Variants in DIXDC1 observed in about 807,000 individuals in gnomAD.
The protein encoded by DIXDC1 is DIX domain containing 1.
A neutral mutation model predicts 103.1 loss-of-function variants in DIXDC1; 64 were observed. That is an observed-to-expected ratio of 0.62 (90% confidence interval 0.51 to 0.76). The LOEUF (loss-of-function observed/expected upper bound fraction) is 0.76, where lower values mean the gene tolerates loss of function less well. Among genes scored for constraint, DIXDC1 ranks in the 30% least tolerant of loss-of-function variants. DIXDC1 has a pLI of 0.00. For missense variants in DIXDC1, 759 were observed against 834.2 expected, an observed-to-expected ratio of 0.91 and a Z score of 1.11; for synonymous variants, 266 against 298.5, an observed-to-expected ratio of 0.89 and a Z score of 1.12.
intron 1 of DIXDC1, among the ~76,000 whole-genome samples, chr11:111,947,926 G>A (rs1265650195): frequency 6.6e-6 from 1 of 152,234 alleles, no homozygotes; most frequent in Admixed American, 6.5e-5. Flanking sequence ...GCCAAGGCAG[G>A]AGGATGGCTT....
chr11:111,991,473 A>C (rs921693071), intron 10 of DIXDC1, among the ~76,000 whole-genome samples: 1 of 152,236 alleles, frequency 6.6e-6, no homozygotes, highest in Non-Finnish European at 1.5e-5. Flanking sequence ...CAGAGTGTAT[A>C]ATTAAGAATG....
In DIXDC1 at chr11:112,017,915, A is replaced by C; in HGVS notation, c.1971+30A>C. ...AGAATCTGTGGGGAGTCTGTATGGT[A>C]TTATTGGTCCTTTCTGAACCCTGAA... is the stretch of plus-strand genomic sequence containing the variant. On this transcript the variant is annotated intron_variant, in intron 19 of 19. Transcript: ENST00000440460. This position sits in a 1 kb window ranked among gnomAD's most constrained non-coding sequence, Gnocchi z 4.0. 6.4e-7 allele frequency: 1 copy of C among 1,552,634 alleles called. No homozygotes were observed. Among genetic ancestry groups the C allele is most frequent in the Non-Finnish European group, 8.8e-7 (1 of 1,137,276 alleles).
At chr11:112,014,943 G>A (rs910557147) in intron 17 of DIXDC1, among the ~76,000 whole-genome samples, 83 of 151,604 alleles carry the variant, frequency 5.5e-4, no homozygotes, top group African/African-American at 2.0e-3. Context: ...GGAGTGCAGT[G>A]GCTCGATCTC....
At chr11:111,945,090 T>C (rs1294663755) in intron 1 of DIXDC1, among the ~76,000 whole-genome samples, 2 of 152,166 alleles carry the variant, frequency 1.3e-5, no homozygotes, top group Non-Finnish European at 2.9e-5. Flanking sequence ...AACTAAACCA[T>C]GGAAAGGGCA....
intron 7 of DIXDC1, 127 bp downstream of exon 7, chr11:111,982,614 GA>G: frequency 9.9e-7 from 1 of 1,007,338 alleles, no homozygotes; most frequent in South Asian, 1.8e-5. Flanking sequence ...TAGATATAGG[GA>G]ATAGCACAGA....
At chr11:111,990,937 C>T (rs11214056) in intron 10 of DIXDC1, among the ~76,000 whole-genome samples, 45 of 152,232 alleles carry the variant, frequency 3.0e-4, no homozygotes, top group African/African-American at 1.0e-3. Context: ...GAACTCCTGA[C>T]CTCGTGATCC....
chr11:112,014,680 TGGAGACCACA>T (rs1555177540), intron 17 of DIXDC1, among the ~76,000 whole-genome samples: 1 of 152,216 alleles, frequency 6.6e-6, no homozygotes, highest in African/African-American at 2.4e-5. Context: ...CTTGGGAGGT[TGGAGACCACA>T]TATAGTTTAT....
chr11:112,005,683 G>A (rs1861213528), intron 17 of DIXDC1, among the ~76,000 whole-genome samples: 1 of 152,162 alleles, frequency 6.6e-6, no homozygotes. Flanking sequence ...GGGCAGCTGG[G>A]TGACAGACAG....
Position 111,993,734 on chromosome 11 carries a change from A to G in DIXDC1, c.1431A>G (p.Ala477=). ...TGGCTCACTGTATGAAAAGAGAGGC[A>G]GATGAGGTAACCTAGACCCCGTGTT... The part of the protein sequence containing the change: ...VLLAHCMKRE[A]DEATNYNSHN... The change falls in exon 14 of 20, where the codon GCA becomes GCG. Residue 477 remains alanine, a synonymous_variant. Coordinates refer to ENST00000440460, the MANE Select transcript of DIXDC1 (RefSeq NM_001037954.4). 6.2e-7 allele frequency: 1 copy of G among 1,613,946 alleles called. No homozygotes were observed. The highest frequency in any genetic ancestry group is 1.1e-5 in the South Asian group (1 of 91,046).
chr11:111,968,400 T>G, intron 2 of DIXDC1, 113 bp from the exon 3 acceptor site: 1 of 1,084,852 alleles, frequency 9.2e-7, no homozygotes, highest in Non-Finnish European at 1.3e-6. Context: ...ATTTATATAT[T>G]TATGTATAAT....
chr11:112,010,862 G>A (rs1378166835), intron 17 of DIXDC1, among the ~76,000 whole-genome samples: 3 of 152,002 alleles, frequency 2.0e-5, no homozygotes, highest in African/African-American at 7.2e-5. Context: ...GAAGAAAACC[G>A]AGGCAATACC....
At chr11:111,938,241 C>T (rs1408701976) in intron 1 of DIXDC1, among the ~76,000 whole-genome samples, 1 of 152,188 alleles carries the variant, frequency 6.6e-6, no homozygotes, top group African/African-American at 2.4e-5. Context: ...ATTTCCTCCC[C>T]ACTTGTTTCT....
At chr11:111,956,658 T>G (rs1454233898) in intron 1 of DIXDC1, among the ~76,000 whole-genome samples, 2 of 151,980 alleles carry the variant, frequency 1.3e-5, no homozygotes, top group Non-Finnish European at 2.9e-5. Flanking sequence ...CCCAGCTAAT[T>G]TTTGTATTTT....
At position 111,986,615 on chromosome 11, in the gene DIXDC1, C is replaced by T. The variant is rs587771899; in HGVS notation, c.1009-256C>T. Among the ~76,000 whole-genome samples, 204 of 152,104 alleles carry T rather than the reference C, an allele frequency of 1.3e-3. 1 individual carries two copies. Among genetic ancestry groups the T allele is most frequent in the African/African-American group, 4.5e-3 (186 of 41,530 alleles). ...CTGACCTCAAGTGATCTGCCTGCCTCGGCCTCCCAAAGTGCTGGGATTACA... is the reference window on the plus strand; with the variant it reads ...CTGACCTCAAGTGATCTGCCTGCCTTGGCCTCCCAAAGTGCTGGGATTACA... On this transcript the variant is annotated intron_variant, in intron 8 of 19. Transcript: ENST00000440460.
At chr11:111,997,997 T>G (rs1174165724) in intron 17 of DIXDC1, among the ~76,000 whole-genome samples, 2 of 152,244 alleles carry the variant, frequency 1.3e-5, no homozygotes, top group African/African-American at 4.8e-5. Context: ...CCTCACTTCC[T>G]GTTCACTACT....
intron 1 of DIXDC1, among the ~76,000 whole-genome samples, chr11:111,962,618 G>T (rs1555171179): frequency 6.6e-6 from 1 of 152,188 alleles, no homozygotes; most frequent in African/African-American, 2.4e-5. Context: ...TGGAGAACAG[G>T]TGAAGGCTAG....
Position 112,021,998 on chromosome 11 carries a change from G to C in DIXDC1, c.*2962G>C, listed in dbSNP as rs1336175483. ...CATCTCCAAAAAAAAAAAAAAAAAA[G>C]TCATTTAAAAACTGAAGAATGTTCT... On this transcript the variant is annotated 3_prime_UTR_variant, in exon 20 of 20. Coordinates refer to ENST00000440460, the MANE Select transcript of DIXDC1 (RefSeq NM_001037954.4). The C allele has an allele frequency of 7.3e-6, 1 of 136,650 alleles. No homozygotes were observed. The highest frequency in any genetic ancestry group is 2.7e-5 in the African/African-American group (1 of 36,852). 8.5% of individuals were successfully genotyped at this position (136,650 alleles called of 1,614,324 possible).
intron 1 of DIXDC1, among the ~76,000 whole-genome samples, chr11:111,941,925 G>A (rs1459946340): frequency 6.6e-6 from 1 of 152,158 alleles, no homozygotes; most frequent in Non-Finnish European, 1.5e-5. Flanking sequence ...CATAGAGTGA[G>A]TGAGGAAGAA....
rs781816813 is a variant in DIXDC1, at chr11:112,021,314, G to C, written c.*2278G>C. The C allele has an allele frequency of 2.6e-5, 4 of 152,136 alleles. No individual in the cohort carries two copies. The highest frequency in any genetic ancestry group is 5.9e-5 in the Non-Finnish European group (4 of 68,024). The allele number at this position is 152,136 out of a possible 1,614,324, so 9.4% of individuals were successfully genotyped here. A position where few individuals can be genotyped will look rare whatever the true frequency, so the allele number is the denominator to read the frequency against. ...CTCATGTACCACAGGTAATGACCAAGCATCTCTGCTAGAGGATGTAACTCT... is the reference window on the plus strand; with the variant it reads ...CTCATGTACCACAGGTAATGACCAACCATCTCTGCTAGAGGATGTAACTCT... On this transcript the variant is annotated 3_prime_UTR_variant, in exon 20 of 20. Transcript: ENST00000440460.
Sources: allele counts gnomAD v4.1 joint callset (sites outside exome capture counted in the v4.1 genomes callset), GRCh38; gene constraint gnomAD v4.1.1; non-coding constraint Gnocchi (gnomAD v3.1); transcripts MANE v1.5; gene names NCBI Gene and HGNC (gene_info 2026-07-23, HGNC 2026-07-21).